The following RELN variants were observed in gnomAD, a reference collection of about 807,000 sequenced individuals.
The protein encoded by RELN is reelin.
A neutral mutation model predicts 427.6 loss-of-function variants in RELN; 108 were observed. The observed-to-expected ratio is 0.25, with a 90% CI of 0.22 to 0.30. The LOEUF (loss-of-function observed/expected upper bound fraction) is 0.30. Ranked by LOEUF, RELN falls within the 10% of genes least tolerant of loss-of-function variation. The pLI, the probability that RELN is intolerant of heterozygous loss-of-function variation, is 1.00. For missense variants in RELN, 3,715 were observed against 4,302.8 expected, an observed-to-expected ratio of 0.86 and a Z score of 3.82; for synonymous variants, 1,524 against 1,513.4, an observed-to-expected ratio of 1.01 and a Z score of -0.16.
Position 103,946,938 on chromosome 7 carries a change from T to C in RELN, c.227-29753A>G, listed in dbSNP as rs74595828. ...ATGAACTCCCCTAGACAAATGTAAG[T>C]GGTATGCTAAAGGCATTTTAGGCAG... is the stretch of plus-strand genomic sequence containing the variant. On this transcript the variant is annotated intron_variant, in intron 1 of 64. Coordinates refer to ENST00000428762, the MANE Select transcript of RELN (RefSeq NM_005045.4). 2.2e-4 allele frequency among the ~76,000 whole-genome samples: 33 copies of C among 152,302 alleles called. No individual in the cohort carries two copies. In the East Asian group the frequency reaches 5.6e-3, roughly 26 times the overall value.
At chr7:103,720,427 T>C (rs575223614) in intron 8 of RELN, among the ~76,000 whole-genome samples, 2 of 152,204 alleles carry the variant, frequency 1.3e-5, no homozygotes, top group Non-Finnish European at 2.9e-5. Context: ...ATTGACCACT[T>C]AGGTTATAAT....
At chr7:103,714,824 C>T (rs1424884726) in intron 8 of RELN, among the ~76,000 whole-genome samples, 5 of 152,142 alleles carry the variant, frequency 3.3e-5, no homozygotes, top group Admixed American at 6.5e-5. Flanking sequence ...AAGGAGCCCA[C>T]AGATATTACT....
At chr7:103,929,138 T>G (rs1176868087) in intron 1 of RELN, among the ~76,000 whole-genome samples, 1 of 151,566 alleles carries the variant, frequency 6.6e-6, no homozygotes, top group Non-Finnish European at 1.5e-5. Flanking sequence ...TGAACCAACA[T>G]CAAGTTAAAT....
At chr7:103,656,597 T>G (rs1411846444) in intron 12 of RELN, among the ~76,000 whole-genome samples, 1 of 152,096 alleles carries the variant, frequency 6.6e-6, no homozygotes, top group Non-Finnish European at 1.5e-5. Context: ...TTCTAGCTCA[T>G]GACACACTGT....
chr7:103,589,159 T>G (rs565773191), intron 28 of RELN, among the ~76,000 whole-genome samples: 2 of 152,364 alleles, frequency 1.3e-5, no homozygotes, highest in African/African-American at 4.8e-5. Flanking sequence ...GGTGACCCAC[T>G]GAGGTTTTTG....
intron 43 of RELN, 51 bp from the exon 44 acceptor site, chr7:103,540,506 A>G (rs1313012898): frequency 1.3e-6 from 2 of 1,585,792 alleles, no homozygotes; most frequent in Non-Finnish European, 8.6e-7. Context: ...AGAAATCCAC[A>G]TGCTTAACAA....
intron 2 of RELN, among the ~76,000 whole-genome samples, chr7:103,868,599 A>G (rs1383575382): frequency 1.3e-5 from 2 of 152,050 alleles, no homozygotes; most frequent in Non-Finnish European, 2.9e-5. Context: ...ACAGGACTAA[A>G]CAACAATAAT....
chr7:103,974,154 G>GAATAAATA (rs112419776), intron 1 of RELN, among the ~76,000 whole-genome samples: 2 of 151,770 alleles, frequency 1.3e-5, no homozygotes, highest in African/African-American at 2.4e-5. Flanking sequence ...AAAAGTAAAT[G>GAATAAATA]AATAAATAAA....
chr7:103,520,970 T>TTTTTTA (rs1562869027), intron 48 of RELN, among the ~76,000 whole-genome samples: 2 of 126,136 alleles, frequency 1.6e-5, no homozygotes, highest in African/African-American at 5.8e-5. Flanking sequence ...TTTTTTTTTT[T>TTTTTTA]TTTTTTTTTT....
At chr7:103,742,214 T>C (rs1191536702) in intron 6 of RELN, among the ~76,000 whole-genome samples, 1 of 152,070 alleles carries the variant, frequency 6.6e-6, no homozygotes, top group East Asian at 1.9e-4. Context: ...TCCTGTCTGT[T>C]AGAAGGAAAA....
At chr7:103,853,726 C>A (rs1793877784) in intron 2 of RELN, among the ~76,000 whole-genome samples, 1 of 151,430 alleles carries the variant, frequency 6.6e-6, no homozygotes, top group African/African-American at 2.4e-5. Context: ...ATTTATATGT[C>A]TCATAATATA....
intron 1 of RELN, among the ~76,000 whole-genome samples, chr7:103,955,343 C>A (rs1389843748): frequency 1.3e-5 from 2 of 152,164 alleles, no homozygotes; most frequent in Admixed American, 6.5e-5. Flanking sequence ...TTTCCATGAA[C>A]AGTAACTAAA....
chr7:103,841,127 T>C (rs1367423623), intron 2 of RELN, among the ~76,000 whole-genome samples: 2 of 152,194 alleles, frequency 1.3e-5, no homozygotes, highest in East Asian at 3.8e-4. Flanking sequence ...GCAAAGAAAG[T>C]GGAGTTTATC....
chr7:103,920,934 G>A (rs187659611), intron 1 of RELN, among the ~76,000 whole-genome samples: 2 of 152,268 alleles, frequency 1.3e-5, no homozygotes, highest in African/African-American at 4.8e-5. Flanking sequence ...TTGGTGAGGA[G>A]AAGAAGAAAT....
Position 103,636,431 on chromosome 7 carries a change from C to T in RELN, c.2107G>A (p.Ala703Thr), listed in dbSNP as rs1832582327. The change falls in exon 18 of 65, where the codon GCA becomes ACA. Residue 703 changes from alanine (A) to threonine (T), a missense_variant. Coordinates refer to ENST00000428762, the MANE Select transcript of RELN (RefSeq NM_005045.4). ...PGFSGPACEM[A>T]SQTFPMFISE... ...ATAAACATTGGGAATGTCTGGGATG[C>T]CATCTCACAAGCTGGGCCAGAAAAT... 3 of 1,613,710 alleles carry T rather than the reference C, an allele frequency of 1.9e-6. No homozygotes were observed. In the East Asian group the frequency reaches 6.7e-5, roughly 36 times the overall value.
rs398124191 is a variant in RELN, at chr7:103,635,514, A to G, written c.2376T>C (p.Gly792=). ...LSTCRAPDQP[G]EGVLLHYSYD... ...AAGAATAATGCAACAAAACTCCTTC[A>G]CCAGGCTGATCAGGGGCTCTGCACG... Residue 792 remains glycine, a synonymous_variant, in exon 19 of 65, where the codon GGT becomes GGC. Transcript: ENST00000428762. The G allele has an allele frequency of 2.7e-4, 437 of 1,613,924 alleles. No individual in the cohort carries two copies. The highest frequency in any genetic ancestry group is 3.6e-4 in the Non-Finnish European group (422 of 1,179,904).
intron 2 of RELN, among the ~76,000 whole-genome samples, chr7:103,860,446 CTTG>C (rs1347389858): frequency 1.3e-5 from 2 of 151,958 alleles, no homozygotes; most frequent in Non-Finnish European, 2.9e-5. Context: ...GTAATGAGGA[CTTG>C]TTGAAGAACT....
At chr7:103,753,415 A>C (rs1791055855) in intron 4 of RELN, among the ~76,000 whole-genome samples, 1 of 152,242 alleles carries the variant, frequency 6.6e-6, no homozygotes, top group African/African-American at 2.4e-5. Context: ...ATTTTGTGCC[A>C]ACACTTATTG....
intron 2 of RELN, among the ~76,000 whole-genome samples, chr7:103,849,176 C>T (rs1003850336): frequency 1.3e-5 from 2 of 152,300 alleles, no homozygotes; most frequent in Admixed American, 1.3e-4. Context: ...TTTGTAATCT[C>T]AGTCAAAGCA....
Sources: gnomAD v4.1 joint callset for allele counts (sites outside exome capture counted in the v4.1 genomes callset) on GRCh38, gnomAD v4.1.1 for gene constraint, MANE v1.5 for transcripts, NCBI Gene and HGNC (gene_info 2026-07-23, HGNC 2026-07-21) for gene names.